BRINP1: variants seen among roughly 807,000 people sequenced by gnomAD.
BRINP1 encodes BMP/retinoic acid-inducible neural-specific protein 1.
BRINP1 carries 17 observed loss-of-function variants against 72.9 expected under a neutral mutation model. That is an observed-to-expected ratio of 0.23 (90% confidence interval 0.16 to 0.35). The LOEUF is 0.35. Among genes scored for constraint, BRINP1 ranks in the 10% least tolerant of loss-of-function variants. BRINP1 has a pLI of 1.00. For synonymous variants in BRINP1, 418 were observed against 378.5 expected (o/e 1.10, Z -1.21); for missense variants, 850 against 1,001.6 (o/e 0.85, Z 2.04).
intron 2 of BRINP1, among the ~76,000 whole-genome samples, chr9:119,277,003 T>C (rs920552899): frequency 6.6e-6 from 1 of 152,184 alleles, no homozygotes; most frequent in Non-Finnish European, 1.5e-5. Flanking sequence ...GAAACCACTA[T>C]TCTGCCGTCC....
At chr9:119,200,176 T>C (rs1829790272) in intron 7 of BRINP1, among the ~76,000 whole-genome samples, 1 of 152,238 alleles carries the variant, frequency 6.6e-6, no homozygotes, top group Admixed American at 6.5e-5. Context: ...AATCTATGTG[T>C]GCATTCATTG....
chr9:119,210,503 G>A (rs1829911451), intron 6 of BRINP1, among the ~76,000 whole-genome samples: 1 of 152,066 alleles, frequency 6.6e-6, no homozygotes, highest in African/African-American at 2.4e-5. Flanking sequence ...AAGAAAATAG[G>A]GCACAGAGAA....
intron 5 of BRINP1, among the ~76,000 whole-genome samples, chr9:119,232,258 A>C (rs188694482): frequency 6.6e-6 from 1 of 152,266 alleles, no homozygotes; most frequent in Admixed American, 6.5e-5. Flanking sequence ...CACCACCTTC[A>C]TTGCAACTGT....
intron 1 of BRINP1, among the ~76,000 whole-genome samples, chr9:119,353,954 G>A (rs1271880756): frequency 1.3e-5 from 2 of 150,162 alleles, no homozygotes; most frequent in South Asian, 2.1e-4. Context: ...CAATCTTGGA[G>A]GAAGTCATCT....
rs1360453504 is a variant in BRINP1, at chr9:119,336,175, G to A, written c.-50-22770C>T. Among the ~76,000 whole-genome samples, 4 of 152,198 alleles carry A rather than the reference G, an allele frequency of 2.6e-5. No homozygotes were observed. In the South Asian group the frequency reaches 6.2e-4, roughly 24 times the overall value. On this transcript the variant is annotated intron_variant, in intron 1 of 7. Coordinates refer to ENST00000265922, the MANE Select transcript of BRINP1 (RefSeq NM_014618.3). Reference sequence around the variant, plus strand: ...TGCTCTGGAATACCCTAAATTAAACGGTCCTTAAAGAGAATGAAATGCAGC... The same window carrying A: ...TGCTCTGGAATACCCTAAATTAAACAGTCCTTAAAGAGAATGAAATGCAGC...
At chr9:119,309,797 G>A (rs984175761) in intron 2 of BRINP1, among the ~76,000 whole-genome samples, 3 of 152,128 alleles carry the variant, frequency 2.0e-5, no homozygotes, top group African/African-American at 7.2e-5. Flanking sequence ...GAGCTGGGTG[G>A]AGGAGGGGGC....
chr9:119,349,532 T>A (rs1273805213), intron 1 of BRINP1, among the ~76,000 whole-genome samples: 3 of 152,106 alleles, frequency 2.0e-5, no homozygotes, highest in Non-Finnish European at 4.4e-5. Flanking sequence ...GGTACACTTG[T>A]AACAATAAAA....
chr9:119,333,539 AT>A (rs1241146830), intron 1 of BRINP1, among the ~76,000 whole-genome samples: 1 of 151,800 alleles, frequency 6.6e-6, no homozygotes, highest in African/African-American at 2.4e-5. Flanking sequence ...TCCCCTCCAG[AT>A]TTCATTAAAA....
chr9:119,241,626 G>T (rs957002660), intron 4 of BRINP1, among the ~76,000 whole-genome samples: 1 of 152,124 alleles, frequency 6.6e-6, no homozygotes, highest in Non-Finnish European at 1.5e-5. Flanking sequence ...TGAGTGGGGA[G>T]GAAAGAATAA....
intron 2 of BRINP1, among the ~76,000 whole-genome samples, chr9:119,260,540 G>A (rs1002499051): frequency 9.2e-5 from 14 of 152,070 alleles, no homozygotes; most frequent in African/African-American, 3.4e-4. Flanking sequence ...TCAGTGATTT[G>A]TTTGTTTGTT....
chr9:119,293,171 C>G (rs1830839612), intron 2 of BRINP1, among the ~76,000 whole-genome samples: 1 of 151,842 alleles, frequency 6.6e-6, no homozygotes, highest in South Asian at 2.1e-4. Flanking sequence ...ATAAATTCTT[C>G]CCAAGAATAT....
chr9:119,368,945 A>T lies in BRINP1; in HGVS notation c.-51+111T>A. 2 of 381,894 alleles carry T rather than the reference A, an allele frequency of 5.2e-6. No individual in the cohort carries two copies. The highest frequency in any genetic ancestry group is 9.3e-6 in the Non-Finnish European group (2 of 215,728). The allele number at this position is 381,894 out of a possible 1,614,324, so 23.7% of individuals were successfully genotyped here. On this transcript the variant is annotated intron_variant, in intron 1 of 7. Coordinates refer to ENST00000265922, the MANE Select transcript of BRINP1 (RefSeq NM_014618.3). This position sits in a 1 kb window ranked among gnomAD's most constrained non-coding sequence, Gnocchi z 4.7. The stretch of plus-strand genomic sequence containing the variant: ...GGGGCGGCCAGGTGAAGAGCGGACA[A>T]GGGTGCCGGTAGGGGGAGGGGCAGA...
chr9:119,173,899 C>T (rs1829449215), intron 7 of BRINP1, among the ~76,000 whole-genome samples: 1 of 134,286 alleles, frequency 7.4e-6, no homozygotes, highest in African/African-American at 3.6e-5. Context: ...GGAAAGGATT[C>T]CCTATTTAAT....
At chr9:119,363,966 C>T (rs1323306757) in intron 1 of BRINP1, among the ~76,000 whole-genome samples, 1 of 151,714 alleles carries the variant, frequency 6.6e-6, no homozygotes, top group Non-Finnish European at 1.5e-5. Flanking sequence ...ACAGTAGGCA[C>T]CCAATAAATA....
chr9:119,276,870 T>C (rs1462773750), intron 2 of BRINP1, among the ~76,000 whole-genome samples: 2 of 152,220 alleles, frequency 1.3e-5, no homozygotes, highest in African/African-American at 4.8e-5. Flanking sequence ...ATAAAGCTGA[T>C]TTAAATTTTT....
chr9:119,223,885 G>T lies in BRINP1; in HGVS notation c.686-9730C>A, dbSNP rs1588169375. On this transcript the variant is annotated intron_variant, in intron 5 of 7. Coordinates refer to ENST00000265922, the MANE Select transcript of BRINP1 (RefSeq NM_014618.3). ...ACAAAGATATTCTTAAGAGAACAATGGTGCTAAAAGACTTGGCCACTAACT... is the reference window on the plus strand; with the variant it reads ...ACAAAGATATTCTTAAGAGAACAATTGTGCTAAAAGACTTGGCCACTAACT... Among the ~76,000 whole-genome samples the T allele has an allele frequency of 1.3e-5, 2 of 152,156 alleles. 1 individual carries two copies. The highest frequency in any genetic ancestry group is 4.1e-4 in the South Asian group (2 of 4,822).
intron 7 of BRINP1, among the ~76,000 whole-genome samples, chr9:119,171,802 C>G (rs1334984501): frequency 1.0e-4 from 12 of 116,850 alleles, no homozygotes; most frequent in Admixed American, 7.3e-4. Context: ...ACAGTGCAAT[C>G]AAACTAGAAC....
intron 7 of BRINP1, among the ~76,000 whole-genome samples, chr9:119,208,208 C>A (rs1012693948): frequency 1.3e-5 from 2 of 152,080 alleles, no homozygotes; most frequent in African/African-American, 4.8e-5. Flanking sequence ...AGGTGAGGAC[C>A]CTGCACTCAA....
At chr9:119,249,553 A>AATATCATG (rs1475227983) in intron 2 of BRINP1, among the ~76,000 whole-genome samples, 1 of 152,110 alleles carries the variant, frequency 6.6e-6, no homozygotes, top group Non-Finnish European at 1.5e-5. Context: ...AGTTTCCAAG[A>AATATCATG]ATATCATGTC....
Sources: allele counts gnomAD v4.1 joint callset (sites outside exome capture counted in the v4.1 genomes callset), GRCh38; gene constraint gnomAD v4.1.1; non-coding constraint Gnocchi (gnomAD v3.1); transcripts MANE v1.5; gene names NCBI Gene and HGNC (gene_info 2026-07-23, HGNC 2026-07-21).